Variants in OR4D1 observed in about 807,000 individuals in gnomAD.
OR4D1 encodes the protein olfactory receptor family 4 subfamily D member 1.
OR4D1 carries 10 observed loss-of-function variants against 14.2 expected under a neutral mutation model. The ratio of observed to expected loss-of-function variants is 0.71; its 90% confidence interval spans 0.44 to 1.20. OR4D1 has a LOEUF of 1.20. Among genes scored for constraint, OR4D1 ranks in the 50% most tolerant of loss-of-function variants. The probability of loss-of-function intolerance (pLI) is 0.00; values close to 1 mark genes in which losing one functional copy is unlikely to be tolerated. For synonymous variants in OR4D1, 141 were observed against 147.4 expected, an observed-to-expected ratio of 0.96 and a Z score of 0.32; for missense variants, 345 against 376.6, an observed-to-expected ratio of 0.92 and a Z score of 0.70.
At chr17:58,148,856 C>G (rs1315593917) in intron 1 of OR4D1, among the ~76,000 whole-genome samples, 1 of 152,162 alleles carries the variant, frequency 6.6e-6, no homozygotes, top group Non-Finnish European at 1.5e-5. Flanking sequence ...ACTTTCCACC[C>G]TCTACTGTTC....
chr17:58,155,098 T>TG, intron 3 of OR4D1, 37 bp from the exon 4 acceptor site: 1 of 1,299,046 alleles, frequency 7.7e-7, no homozygotes, highest in East Asian at 2.3e-5. Flanking sequence ...TTTTCATTTT[T>TG]TTTGTTTGTT....
rs752736110 is a variant in OR4D1 at position 58,156,103 on chromosome 17, C to T, written c.*17C>T. 2 of 1,467,262 alleles carry T rather than the reference C, an allele frequency of 1.4e-6. No individual in the cohort carries two copies. Among genetic ancestry groups the T allele is most frequent in the African/African-American group, 2.8e-5 (2 of 70,924 alleles). 90.9% of individuals were successfully genotyped at this position (1,467,262 alleles called of 1,614,324 possible). A position where few individuals can be genotyped will look rare whatever the true frequency, so the allele number is the denominator to read the frequency against. ...AGGGAGTAAACTTTAAGTAAGTTGA[C>T]TTTAAATGACAAATTTCTCTGGATT... On this transcript the variant is annotated 3_prime_UTR_variant, in exon 4 of 4. Coordinates refer to ENST00000268912, the MANE Select transcript of OR4D1 (RefSeq NM_001386095.1).
In OR4D1 at chr17:58,157,505, A is replaced by G; in HGVS notation, c.*1419A>G. On this transcript the variant is annotated 3_prime_UTR_variant, in exon 4 of 4. Transcript: ENST00000268912. ...GTTGCTCCAGAAACAGTACCTCTCC[A>G]TTGCAGAGGGTGCGGACTTCTCCAG... The G allele has an allele frequency of 1.6e-6, 2 of 1,213,470 alleles. No homozygotes were observed. The highest frequency in any genetic ancestry group is 2.4e-6 in the Non-Finnish European group (2 of 816,924). The allele number at this position is 1,213,470 out of a possible 1,614,324, so 75.2% of individuals were successfully genotyped here. A position where few individuals can be genotyped will look rare whatever the true frequency, so the allele number is the denominator to read the frequency against.
At chr17:58,154,488 T>G (rs1967740423) in intron 3 of OR4D1, among the ~76,000 whole-genome samples, 1 of 152,202 alleles carries the variant, frequency 6.6e-6, no homozygotes. Context: ...CAACAAATGC[T>G]ACTACAGAAG....
chr17:58,157,629 T>C lies in OR4D1; in HGVS notation c.*1543T>C. 1 of 1,613,738 alleles carries C rather than the reference T, an allele frequency of 6.2e-7. No individual in the cohort carries two copies. The highest frequency in any genetic ancestry group is 1.1e-5 in the South Asian group (1 of 91,046). On this transcript the variant is annotated 3_prime_UTR_variant, in exon 4 of 4. Coordinates refer to ENST00000268912, the MANE Select transcript of OR4D1 (RefSeq NM_001386095.1). The stretch of plus-strand genomic sequence containing the variant: ...GAGTCAGAACTGGAAAAGCTGAAAA[T>C]GGCTGCAAAACCTATGCTACCCTCC...
In OR4D1 at chr17:58,157,075, C is replaced by T; in HGVS notation, c.*989C>T. 6.9e-7 allele frequency: 1 copy of T among 1,445,024 alleles called. No individual in the cohort carries two copies. Among genetic ancestry groups the T allele is most frequent in the Non-Finnish European group, 9.3e-7 (1 of 1,080,368 alleles). The allele number at this position is 1,445,024 out of a possible 1,614,324, so 89.5% of individuals were successfully genotyped here. ...CCAGCGGTGGCGGTCGGGCCAGGTC[C>T]GGGGCCTGGGGACGCCGAGGCGGCC... On this transcript the variant is annotated 3_prime_UTR_variant, in exon 4 of 4. Transcript: ENST00000268912.
At chr17:58,151,002 TA>T (rs1173261176) in intron 2 of OR4D1, among the ~76,000 whole-genome samples, 12 of 152,036 alleles carry the variant, frequency 7.9e-5, no homozygotes, top group African/African-American at 1.4e-4. Flanking sequence ...TTACAAGAAA[TA>T]AAAAAAATTT....
At chr17:58,149,261 G>A (rs1967668942) in intron 1 of OR4D1, among the ~76,000 whole-genome samples, 168 bp from the exon 2 acceptor site, 1 of 152,198 alleles carries the variant, frequency 6.6e-6, no homozygotes, top group Non-Finnish European at 1.5e-5. Flanking sequence ...TGTAGGGGGA[G>A]GAAGCATTTG....
chr17:58,154,543 G>A (rs1015304776), intron 3 of OR4D1, among the ~76,000 whole-genome samples: 6 of 152,028 alleles, frequency 3.9e-5, no homozygotes, highest in Non-Finnish European at 7.4e-5. Context: ...TCCCAGCTTC[G>A]CTACAACCAA....
At chr17:58,153,431 A>G (rs1218807770) in intron 2 of OR4D1, among the ~76,000 whole-genome samples, 2 of 152,242 alleles carry the variant, frequency 1.3e-5, no homozygotes, top group Admixed American at 1.3e-4. Flanking sequence ...ATTTTTGCAC[A>G]AATATCTGAG....
In OR4D1 at chr17:58,156,260, T is replaced by C; in HGVS notation, c.*174T>C. 2 of 580,282 alleles carry C rather than the reference T, an allele frequency of 3.4e-6. No individual in the cohort carries two copies. The highest frequency in any genetic ancestry group is 2.9e-5 in the East Asian group (1 of 34,540). 35.9% of individuals were successfully genotyped at this position (580,282 alleles called of 1,614,324 possible). On this transcript the variant is annotated 3_prime_UTR_variant, in exon 4 of 4. Transcript: ENST00000268912. ...GCACTTCCACGCTTTTTTTCTTTTT[T>C]TTTTTTTTTAGATGGAGCCTTGCTC... is the stretch of plus-strand genomic sequence containing the variant.
Position 58,157,920 on chromosome 17 carries a change from C to A in OR4D1, c.*1834C>A, listed in dbSNP as rs1364658355. The A allele has an allele frequency of 9.8e-7, 1 of 1,020,784 alleles. No individual in the cohort carries two copies. The highest frequency in any genetic ancestry group is 1.5e-6 in the Non-Finnish European group (1 of 667,442). The allele number at this position is 1,020,784 out of a possible 1,614,324, so 63.2% of individuals were successfully genotyped here. A position where few individuals can be genotyped will look rare whatever the true frequency, so the allele number is the denominator to read the frequency against. ...GTTCTGCAAACCCTGAGTGCACCAC[C>A]CTAAGCGGCTAGGCCGGCAGGGCCA... On this transcript the variant is annotated 3_prime_UTR_variant, in exon 4 of 4. Transcript: ENST00000268912.
Position 58,158,371 on chromosome 17 carries a change from C to T in OR4D1, c.*2285C>T. ...GTTTTTCAAAGTGAAGGGGACACAT[C>T]ACATTTCTGCATTTTACTTGCATTA... On this transcript the variant is annotated 3_prime_UTR_variant, in exon 4 of 4. Coordinates refer to ENST00000268912, the MANE Select transcript of OR4D1 (RefSeq NM_001386095.1). 1 of 152,056 alleles carries T rather than the reference C, an allele frequency of 6.6e-6. No homozygotes were observed. The highest frequency in any genetic ancestry group is 1.9e-4 in the East Asian group (1 of 5,188). The allele number at this position is 152,056 out of a possible 1,614,324, so 9.4% of individuals were successfully genotyped here.
chr17:58,154,443 G>A (rs1967740046), intron 3 of OR4D1, among the ~76,000 whole-genome samples: 1 of 151,998 alleles, frequency 6.6e-6, no homozygotes. Context: ...ATTTGTCCTG[G>A]GCTTCTTTGA....
At chr17:58,155,047 T>G (rs1341685514) in intron 3 of OR4D1, 88 bp from the exon 4 acceptor site, 1 of 896,458 alleles carries the variant, frequency 1.1e-6, no homozygotes, top group Non-Finnish European at 1.7e-6. Flanking sequence ...ACAACTCAAC[T>G]TAATCAACTC....
intron 2 of OR4D1, among the ~76,000 whole-genome samples, chr17:58,150,638 C>T (rs116250104): frequency 1.2e-3 from 180 of 152,246 alleles, no homozygotes; most frequent in African/African-American, 4.2e-3. Context: ...CGGTTACTGA[C>T]GGGCTTTAGC....
At position 58,157,343 on chromosome 17, in the gene OR4D1, G is replaced by A; in HGVS notation, c.*1257G>A. 1 of 1,452,820 alleles carries A rather than the reference G, an allele frequency of 6.9e-7. No individual in the cohort carries two copies. Among genetic ancestry groups the A allele is most frequent in the African/African-American group, 1.4e-5 (1 of 70,948 alleles). 90.0% of individuals were successfully genotyped at this position (1,452,820 alleles called of 1,614,324 possible). A position where few individuals can be genotyped will look rare whatever the true frequency, so the allele number is the denominator to read the frequency against. On this transcript the variant is annotated 3_prime_UTR_variant, in exon 4 of 4. Transcript: ENST00000268912. ...AAAACTCCCTAAGACGGAGCGGCGT[G>A]GATGCAGGAACCCTGCTGATAATTC...
At position 58,155,597 on chromosome 17, in the gene OR4D1, C is replaced by G; in HGVS notation, c.444C>G (p.Ala148=). Residue 148 remains alanine, a synonymous_variant, in exon 4 of 4, where the codon GCC becomes GCG. Transcript: ENST00000268912. ...TQLCVGLVVA[A]WVGGFVHSIV... ...TGTGTGTGGGCCTGGTAGTAGCCGC[C>G]TGGGTGGGGGGCTTTGTCCACTCCA... 6.2e-7 allele frequency: 1 copy of G among 1,614,178 alleles called. No homozygotes were observed. The highest frequency in any genetic ancestry group is 1.1e-5 in the South Asian group (1 of 91,078).
At position 58,155,792 on chromosome 17, in the gene OR4D1, CCTT is replaced by C; in HGVS notation, c.642_644del (p.Leu215del). ...TGCTAGTTATCATCTGGTTCCTCCT[CCTT>C]CTGATCTCTTATACTGTCATCCTGG... On this transcript the variant is annotated inframe_deletion, in exon 4 of 4. Transcript: ENST00000268912. The C allele has an allele frequency of 3.1e-6, 5 of 1,614,244 alleles. No homozygotes were observed. The highest frequency in any genetic ancestry group is 4.2e-6 in the Non-Finnish European group (5 of 1,180,032).
Sources: allele counts gnomAD v4.1 joint callset (sites outside exome capture counted in the v4.1 genomes callset), GRCh38; gene constraint gnomAD v4.1.1; transcripts MANE v1.5; gene names NCBI Gene and HGNC (gene_info 2026-07-23, HGNC 2026-07-21).